Variants in PTPRD observed in about 807,000 individuals in gnomAD.
PTPRD encodes the protein receptor-type tyrosine-protein phosphatase delta.
Under a neutral mutation model 214.5 loss-of-function variants are expected in PTPRD, and 34 were observed. The observed-to-expected ratio is 0.16, with a 90% CI of 0.12 to 0.21. PTPRD has a LOEUF of 0.21. Ranked by LOEUF, PTPRD falls within the 10% of genes least tolerant of loss-of-function variation. The pLI is 1.00. For missense variants in PTPRD, 2,545 were observed against 2,398.7 expected, an observed-to-expected ratio of 1.06 and a Z score of -1.27; for synonymous variants, 1,128 against 845.7, an observed-to-expected ratio of 1.33 and a Z score of -5.79.
intron 3 of PTPRD, among the ~76,000 whole-genome samples, chr9:10,301,297 C>G (rs138652543): frequency 0.012 from 1,798 of 152,194 alleles, 40 homozygotes; most frequent in African/African-American, 0.041. Flanking sequence ...TAGATAAATC[C>G]ACAAAGATGG....
intron 14 of PTPRD, among the ~76,000 whole-genome samples, chr9:8,587,085 G>C (rs2093719943): frequency 6.6e-6 from 1 of 151,758 alleles, no homozygotes; most frequent in South Asian, 2.1e-4. Context: ...AGGAGGCAGA[G>C]CTTGCAGTGA....
intron 3 of PTPRD, among the ~76,000 whole-genome samples, chr9:10,304,809 ATT>A (rs2096002434): frequency 6.6e-6 from 1 of 152,198 alleles, no homozygotes; most frequent in Non-Finnish European, 1.5e-5. Flanking sequence ...GGAAGAATCA[ATT>A]CATGAAAATG....
At chr9:9,223,163 G>A (rs1040642355) in intron 9 of PTPRD, among the ~76,000 whole-genome samples, 2 of 151,938 alleles carry the variant, frequency 1.3e-5, no homozygotes, top group Non-Finnish European at 2.9e-5. Flanking sequence ...GCTCTAAGTG[G>A]GCAGATATTT....
At chr9:9,814,075 T>C (rs1199746551) in intron 5 of PTPRD, among the ~76,000 whole-genome samples, 1 of 152,018 alleles carries the variant, frequency 6.6e-6, no homozygotes, top group African/African-American at 2.4e-5. Context: ...ATGCAGAAAA[T>C]GAATTTGATA....
At chr9:10,063,109 T>G (rs2097804776) in intron 3 of PTPRD, among the ~76,000 whole-genome samples, 2 of 152,046 alleles carry the variant, frequency 1.3e-5, no homozygotes, top group Non-Finnish European at 2.9e-5. Flanking sequence ...TAATTAGCAG[T>G]AGGAATCGAC....
chr9:8,847,184 T>G (rs1468172417), intron 11 of PTPRD, among the ~76,000 whole-genome samples: 1 of 151,306 alleles, frequency 6.6e-6, no homozygotes, highest in Non-Finnish European at 1.5e-5. Context: ...ATTTTTTTTT[T>G]GGTACATATA....
intron 11 of PTPRD, among the ~76,000 whole-genome samples, chr9:8,824,857 AAGTAT>A (rs1191293336): frequency 2.6e-5 from 4 of 152,214 alleles, no homozygotes; most frequent in Non-Finnish European, 5.9e-5. Flanking sequence ...ATTTAATAAC[AAGTAT>A]AGTATAGTTC....
intron 3 of PTPRD, among the ~76,000 whole-genome samples, chr9:10,128,401 G>A (rs2098835418): frequency 6.6e-6 from 1 of 152,066 alleles, no homozygotes; most frequent in Non-Finnish European, 1.5e-5. Flanking sequence ...GCACACCATT[G>A]AAGATCAAGG....
At chr9:10,324,464 G>A (rs142927417) in intron 3 of PTPRD, among the ~76,000 whole-genome samples, 2 of 152,070 alleles carry the variant, frequency 1.3e-5, no homozygotes, top group East Asian at 1.9e-4. Context: ...AAGTTATATG[G>A]CCAACAAGTA....
At chr9:8,432,018 T>A (rs1397591897) in intron 35 of PTPRD, among the ~76,000 whole-genome samples, 1 of 152,232 alleles carries the variant, frequency 6.6e-6, no homozygotes, top group African/African-American at 2.4e-5. Flanking sequence ...GTGTTATTGG[T>A]CTATTCAGGG....
intron 11 of PTPRD, among the ~76,000 whole-genome samples, chr9:8,856,434 A>T (rs1041937041): frequency 6.6e-6 from 1 of 152,214 alleles, no homozygotes; most frequent in Admixed American, 6.5e-5. Context: ...CAGTAAATTT[A>T]ACAGCAAACC....
chr9:9,359,419 G>T (rs141406011), intron 9 of PTPRD, among the ~76,000 whole-genome samples: 95 of 151,322 alleles, frequency 6.3e-4, no homozygotes, highest in Non-Finnish European at 1.1e-3. Flanking sequence ...CTGATAAGAG[G>T]TTGTGAAGAT....
chr9:8,606,364 C>T (rs115734322), intron 14 of PTPRD, among the ~76,000 whole-genome samples: 2,007 of 152,104 alleles, frequency 0.013, 44 homozygotes, highest in African/African-American at 0.045. Flanking sequence ...GGAAGAAAAG[C>T]CAAGAGAAGG....
chr9:9,904,861 T>C (rs1252771587), intron 5 of PTPRD, among the ~76,000 whole-genome samples: 1 of 152,078 alleles, frequency 6.6e-6, no homozygotes, highest in Non-Finnish European at 1.5e-5. Flanking sequence ...GGCAATGATA[T>C]GCCTTGGTGA....
chr9:8,841,631 A>C (rs751456141), intron 11 of PTPRD, among the ~76,000 whole-genome samples: 27 of 152,230 alleles, frequency 1.8e-4, no homozygotes, highest in Non-Finnish European at 3.5e-4. Flanking sequence ...TGCCTTTAAA[A>C]ACCCCTACCT....
At chr9:8,750,435 G>C (rs1413760690) in intron 11 of PTPRD, among the ~76,000 whole-genome samples, 1 of 152,000 alleles carries the variant, frequency 6.6e-6, no homozygotes, top group African/African-American at 2.4e-5. Flanking sequence ...TGGGATTACA[G>C]GCATGAGCCA....
chr9:10,585,674 T>C (rs1039929223), intron 2 of PTPRD, among the ~76,000 whole-genome samples: 1 of 151,920 alleles, frequency 6.6e-6, no homozygotes, highest in African/African-American at 2.4e-5. Flanking sequence ...ATTGTAGGAA[T>C]GCAATCAAAG....
rs115580057 is a variant in PTPRD at position 8,938,346 on chromosome 9, A to G, written c.-104+80351T>C. Among the ~76,000 whole-genome samples the G allele has an allele frequency of 4.7e-3, 719 of 152,248 alleles. 10 individuals are homozygous for G. The highest frequency in any genetic ancestry group is 0.016 in the African/African-American group (685 of 41,550). On this transcript the variant is annotated intron_variant, in intron 11 of 45. Transcript: ENST00000381196. The stretch of plus-strand genomic sequence containing the variant: ...AACACAAGATGACAGAAATGAATTC[A>G]AAACACAGCTACGGTTTCTGAGCTG...
rs73398693 is a variant in PTPRD, at chr9:9,840,949, A to G, written c.-367-74098T>C. Reference sequence around the variant, plus strand: ...GTACTGTTCTTAAATAGAGATGGACAATAAACTGTGAGTGATGGTGAATAA... The same window carrying G: ...GTACTGTTCTTAAATAGAGATGGACGATAAACTGTGAGTGATGGTGAATAA... On this transcript the variant is annotated intron_variant, in intron 5 of 45. Coordinates refer to ENST00000381196, the MANE Select transcript of PTPRD (RefSeq NM_002839.4). Among the ~76,000 whole-genome samples, 330 of 152,212 alleles carry G rather than the reference A, an allele frequency of 2.2e-3. 3 individuals carry two copies. The highest frequency in any genetic ancestry group is 7.7e-3 in the African/African-American group (318 of 41,520).
Sources: gnomAD v4.1 joint callset for allele counts (sites outside exome capture counted in the v4.1 genomes callset) on GRCh38, gnomAD v4.1.1 for gene constraint, MANE v1.5 for transcripts, NCBI Gene and HGNC (gene_info 2026-07-23, HGNC 2026-07-21) for gene names.